POLK: variants seen among roughly 807,000 people sequenced by gnomAD.
POLK encodes the protein DNA polymerase kappa.
POLK carries 76 observed loss-of-function variants against 94.0 expected under a neutral mutation model. The ratio of observed to expected loss-of-function variants is 0.81; its 90% CI spans 0.67 to 0.98. POLK has a LOEUF of 0.98. Among genes scored for constraint, POLK ranks in the 50% least tolerant of loss-of-function variants. The pLI, the probability that POLK is intolerant of heterozygous loss-of-function variation, is 0.00. For synonymous variants in POLK, 349 were observed against 325.4 expected (o/e 1.07, Z -0.78); for missense variants, 954 against 1,010.1 (o/e 0.94, Z 0.75).
At chr5:75,554,665 A>T (rs1470744621) in intron 3 of POLK, among the ~76,000 whole-genome samples, 1 of 151,258 alleles carries the variant, frequency 6.6e-6, no homozygotes, top group Non-Finnish European at 1.5e-5. Flanking sequence ...CCCATCCTCC[A>T]CCCTCCAGTA....
intron 3 of POLK, among the ~76,000 whole-genome samples, chr5:75,565,965 AAC>A (rs1771244024): frequency 6.6e-6 from 1 of 152,198 alleles, no homozygotes; most frequent in Admixed American, 6.5e-5. Flanking sequence ...CTGTGCCCAC[AAC>A]TGCCCCTTTC....
intron 1 of POLK, among the ~76,000 whole-genome samples, chr5:75,536,408 G>C (rs1334228480): frequency 6.6e-6 from 1 of 152,174 alleles, no homozygotes; most frequent in Non-Finnish European, 1.5e-5. Context: ...GTGGAAGTGG[G>C]AACCCTGGAT....
At chr5:75,601,153 G>A (rs547043615), downstream of POLK, 7 of 152,054 alleles carry the variant, frequency 4.6e-5, no homozygotes, top group East Asian at 1.9e-4. Context: ...AACTGCTTTC[G>A]TTAACAAGAT....
At chr5:75,542,358 C>T (rs931093828) in intron 1 of POLK, among the ~76,000 whole-genome samples, 17 of 151,982 alleles carry the variant, frequency 1.1e-4, no homozygotes, top group African/African-American at 4.1e-4. Flanking sequence ...CCTGTCTCCT[C>T]CCCTTCTCTC....
chr5:75,552,736 C>T, intron 3 of POLK, 145 bp downstream of exon 3: 1 of 831,044 alleles, frequency 1.2e-6, no homozygotes, highest in Non-Finnish European at 1.9e-6. Context: ...AATGAACATA[C>T]TTTACTTTGC....
intron 1 of POLK, among the ~76,000 whole-genome samples, chr5:75,523,392 C>A (rs2112543596): frequency 6.6e-6 from 1 of 152,242 alleles, no homozygotes; most frequent in African/African-American, 2.4e-5. Flanking sequence ...AAATTGCAAT[C>A]TAAGAGAATT....
chr5:75,551,243 CA>C (rs1371749225), intron 2 of POLK, among the ~76,000 whole-genome samples: 1 of 151,850 alleles, frequency 6.6e-6, no homozygotes, highest in African/African-American at 2.4e-5. Context: ...TGGTCCTCAT[CA>C]AAATTTAAAA....
chr5:75,582,165 A>G (rs899116708), intron 7 of POLK: 2 of 985,112 alleles, frequency 2.0e-6, no homozygotes, highest in Non-Finnish European at 2.4e-6. Context: ...ATAGCAATCC[A>G]GAACAATCTG....
At chr5:75,552,655 T>C in intron 3 of POLK, 64 bp downstream of exon 3, 1 of 1,392,512 alleles carries the variant, frequency 7.2e-7, no homozygotes, top group Non-Finnish European at 9.9e-7. Context: ...TTAAAATGTA[T>C]TGTCAAGTCA....
intron 3 of POLK, among the ~76,000 whole-genome samples, chr5:75,559,505 G>GTTTTTTTTTTTTTTTTTTTTTTTTT (rs1561371144): frequency 2.9e-5 from 2 of 70,080 alleles, no homozygotes; most frequent in African/African-American, 4.8e-5. Context: ...TTTGGGGTTT[G>GTTTTTTTTTTTTTTTTTTTTTTTTT]TTTTTTTGTT....
chr5:75,593,816 A>T, intron 11 of POLK, 62 bp from the exon 12 acceptor site: 1 of 1,028,550 alleles, frequency 9.7e-7, no homozygotes, highest in Non-Finnish European at 1.4e-6. Flanking sequence ...GCACTCCAGC[A>T]TGGACAACAG....
At chr5:75,581,360 C>G (rs372026257) in exon 7 of POLK, 2 of 1,613,278 alleles carry the variant, frequency 1.2e-6, no homozygotes, top group Non-Finnish European at 1.7e-6. Context: ...TACTCCAAAA[C>G]TCAGTTGTTT....
At chr5:75,584,817 T>C in exon 9 of POLK, 3 of 1,595,072 alleles carry the variant, frequency 1.9e-6, no homozygotes, top group East Asian at 2.2e-5. Context: ...AATTATTACA[T>C]GTACAGAACT....
chr5:75,594,766 T>C (rs1275183915), intron 12 of POLK, among the ~76,000 whole-genome samples: 4 of 152,346 alleles, frequency 2.6e-5, no homozygotes, highest in African/African-American at 7.2e-5. Context: ...GATTGTGACA[T>C]TGTGAAATCA....
intron 1 of POLK, 60 bp downstream of exon 1, chr5:75,511,974 C>T (rs1478858039): frequency 3.1e-6 from 2 of 647,120 alleles, no homozygotes; most frequent in Non-Finnish European, 5.3e-6. Flanking sequence ...GGTGGGTGGG[C>T]TTCGTTTGAC....
intron 1 of POLK, among the ~76,000 whole-genome samples, chr5:75,524,237 CTG>C (rs1178662715): frequency 1.3e-5 from 2 of 152,128 alleles, no homozygotes; most frequent in African/African-American, 2.4e-5. Context: ...TGTTTCATCT[CTG>C]TACTTTGAAG....
At chr5:75,538,212 G>A (rs944359218) in intron 1 of POLK, among the ~76,000 whole-genome samples, 3 of 152,168 alleles carry the variant, frequency 2.0e-5, no homozygotes, top group African/African-American at 4.8e-5. Context: ...TCATATGCTG[G>A]AGGTAGCTGT....
intron 1 of POLK, among the ~76,000 whole-genome samples, chr5:75,546,555 T>C (rs909621818): frequency 4.6e-5 from 7 of 152,202 alleles, no homozygotes; most frequent in Non-Finnish European, 7.3e-5. Context: ...GATTTCTATA[T>C]CATTTAACGT....
intron 2 of POLK, among the ~76,000 whole-genome samples, chr5:75,550,972 A>G (rs1011193510): frequency 1.3e-5 from 2 of 152,216 alleles, no homozygotes; most frequent in African/African-American, 2.4e-5. Flanking sequence ...CTGTAATCCC[A>G]GCACTTTGGT....
Sources: allele counts gnomAD v4.1 joint callset (sites outside exome capture counted in the v4.1 genomes callset), GRCh38; gene constraint gnomAD v4.1.1; transcripts MANE v1.5; gene names NCBI Gene and HGNC (gene_info 2026-07-23, HGNC 2026-07-21).